The following UGT1A1 variants were observed in gnomAD, a reference collection of about 807,000 sequenced individuals.
UGT1A1 encodes UDP glucuronosyltransferase family 1 member A1, also known as UDP-glucuronosyltransferase 1A1.
In UGT1A1, 33 loss-of-function variants were observed where a neutral mutation model predicts 40.6. That is an observed-to-expected ratio of 0.81 (90% confidence interval 0.62 to 1.09). UGT1A1 has a LOEUF of 1.09. Among genes scored for constraint, UGT1A1 ranks in the 50% least tolerant of loss-of-function variants. UGT1A1 has a pLI of 0.00. For missense variants in UGT1A1, 694 were observed against 671.2 expected (o/e 1.03, Z -0.38); for synonymous variants, 249 against 265.0 (o/e 0.94, Z 0.59).
Position 233,768,283 on chromosome 2 carries a change from G to T in UGT1A1, c.1148G>T (p.Cys383Phe). 6.2e-7 allele frequency: 1 copy of T among 1,614,180 alleles called. No homozygotes were observed. The change falls in exon 4 of 5, where the codon TGC becomes TTC. Residue 383 changes from cysteine (C) to phenylalanine (F), a missense_variant. Transcript: ENST00000305208. ...TCCCATGGTGTTTATGAAAGCATAT[G>T]CAATGGCGTTCCCATGGTGATGATG... Reference protein sequence around the residue: ...AGSHGVYESICNGVPMVMMPL... With the variant: ...AGSHGVYESIFNGVPMVMMPL...
At chr2:233,767,675 C>G (rs1273555402) in intron 2 of UGT1A1, among the ~76,000 whole-genome samples, 174 bp from the exon 3 acceptor site, 1 of 152,180 alleles carries the variant, frequency 6.6e-6, no homozygotes, top group Non-Finnish European at 1.5e-5. Context: ...ACTAAACCTC[C>G]AAAACAAGAT....
At chr2:233,768,098 G>A in intron 3 of UGT1A1, 122 bp from the exon 4 acceptor site, 1 of 1,590,736 alleles carries the variant, frequency 6.3e-7, no homozygotes, top group Non-Finnish European at 8.6e-7. Context: ...ATTTTCTTCT[G>A]CAAATTTCTG....
rs1699290986 is a variant in UGT1A1 at position 233,766,960 on chromosome 2, A to T, written c.865-74A>T. 4.4e-6 allele frequency: 7 copies of T among 1,607,258 alleles called. No homozygotes were observed. The South Asian group carries it at 7.8e-5, about 18-fold the overall frequency. On this transcript the variant is annotated intron_variant, in intron 1 of 4. Transcript: ENST00000305208. ...CATAGTCTTAAGAGGAAGATATCTA[A>T]TTCATAACTTACTGTATGTAGTCAT...
In UGT1A1 at chr2:233,772,466, C is replaced by T. The variant is rs1700524185; in HGVS notation, c.1509C>T (p.Ala503=). 6.2e-7 allele frequency: 1 copy of T among 1,614,030 alleles called. No individual in the cohort carries two copies. The highest frequency in any genetic ancestry group is 1.3e-5 in the African/African-American group (1 of 74,904). The change falls in exon 5 of 5, where the codon GCC becomes GCT. Residue 503 remains alanine, a synonymous_variant. Transcript: ENST00000305208. ...GFLLAVVLTV[A]FITFKCCAYG... Reference sequence around the variant, plus strand: ...TCTTGGCCGTCGTGCTGACAGTGGCCTTCATCACCTTTAAATGTTGTGCTT... The same window carrying T: ...TCTTGGCCGTCGTGCTGACAGTGGCTTTCATCACCTTTAAATGTTGTGCTT...
Position 233,769,129 on chromosome 2 carries a change from C to T in UGT1A1, c.1304+690C>T, listed in dbSNP as rs1228379721. Among the ~76,000 whole-genome samples, 1 of 152,120 alleles carries T rather than the reference C, an allele frequency of 6.6e-6. No homozygotes were observed. The highest frequency in any genetic ancestry group is 1.9e-4 in the East Asian group (1 of 5,198). On this transcript the variant is annotated intron_variant, in intron 4 of 4. Coordinates refer to ENST00000305208, the MANE Select transcript of UGT1A1 (RefSeq NM_000463.3). This position sits in a 1 kb window ranked among gnomAD's most constrained non-coding sequence, Gnocchi z 4.4. ...AAAACAACTCAAATGCTTAGAAGTA[C>T]AGCTTTTTGCAGCACTGGAACCTGT...
chr2:233,767,878 A>G lies in UGT1A1; in HGVS notation c.1026A>G (p.Pro342=), dbSNP rs747062491. ...TGTGGCGGTACACTGGAACCCGACC[A>G]TCGAATCTTGCGAACAACACGATAC... ...TVLWRYTGTR[P]SNLANNTILV... The change falls in exon 3 of 5, where the codon CCA becomes CCG. Residue 342 remains proline, a synonymous_variant. Transcript: ENST00000305208. 6.2e-7 allele frequency: 1 copy of G among 1,614,032 alleles called. No individual in the cohort carries two copies. The highest frequency in any genetic ancestry group is 1.7e-5 in the Admixed American group (1 of 59,990).
Position 233,772,277 on chromosome 2 carries a change from C to G in UGT1A1, c.1320C>G (p.Ile440Met). 1 of 1,614,240 alleles carries G rather than the reference C, an allele frequency of 6.2e-7. No individual in the cohort carries two copies. Among genetic ancestry groups the G allele is most frequent in the Non-Finnish European group, 8.5e-7 (1 of 1,180,042 alleles). Residue 440 changes from isoleucine (I) to methionine (M), a missense_variant, in exon 5 of 5, where the codon ATC (isoleucine) becomes ATG (methionine). Ile to Met is a conservative substitution (Grantham distance 10). Transcript: ENST00000305208. Reference protein sequence around the residue: ...VINDKSYKENIMRLSSLHKDR... With the variant: ...VINDKSYKENMMRLSSLHKDR... ...TTGTGTTTAGTTACAAGGAGAACAT[C>G]ATGCGCCTCTCCAGCCTTCACAAGG...
chr2:233,767,582 C>A (rs1315665394), intron 2 of UGT1A1, among the ~76,000 whole-genome samples: 1 of 152,138 alleles, frequency 6.6e-6, no homozygotes, highest in Non-Finnish European at 1.5e-5. Context: ...CAAACTTTCC[C>A]TTAAAGTGCA....
rs752305202 is a variant in UGT1A1, at chr2:233,769,534, G to A, written c.1304+1095G>A. ...CTCCCATGGTTACCTCCTTTAGAAA[G>A]AAGCAGCAGTCAGGAAGACAGATGT... On this transcript the variant is annotated intron_variant, in intron 4 of 4. Transcript: ENST00000305208. This position sits in a 1 kb window ranked among gnomAD's most constrained non-coding sequence, Gnocchi z 4.4. 1.9e-6 allele frequency: 3 copies of A among 1,612,926 alleles called. No homozygotes were observed. Among genetic ancestry groups the A allele is most frequent in the Non-Finnish European group, 2.5e-6 (3 of 1,179,884 alleles).
Position 233,772,564 on chromosome 2 carries a change from TG to T in UGT1A1, c.*8del, listed in dbSNP as rs1250920366. 1 of 1,613,176 alleles carries T rather than the reference TG, an allele frequency of 6.2e-7. No individual in the cohort carries two copies. The highest frequency in any genetic ancestry group is 1.7e-5 in the Admixed American group (1 of 59,848). On this transcript the variant is annotated 3_prime_UTR_variant, in exon 5 of 5. Transcript: ENST00000305208. ...CACAAATCCAAGACCCATTGAGAAGTGGGTGGGAAATAAGGTAAAATTTTGA... is the reference window on the plus strand; with the variant it reads ...CACAAATCCAAGACCCATTGAGAAGTGGTGGGAAATAAGGTAAAATTTTGA...
intron 1 of UGT1A1, among the ~76,000 whole-genome samples, chr2:233,762,453 A>T (rs1302924421): frequency 6.6e-6 from 1 of 152,204 alleles, no homozygotes; most frequent in Non-Finnish European, 1.5e-5. Flanking sequence ...CTGCCCACTT[A>T]CCGATAATGT....
intron 4 of UGT1A1, chr2:233,770,632 T>G (rs561537548): frequency 1.3e-5 from 2 of 150,950 alleles, no homozygotes; most frequent in Admixed American, 6.6e-5. Flanking sequence ...CACTCCAGCC[T>G]GGGCGACAGA....
chr2:233,763,230 T>C (rs1698265609), intron 1 of UGT1A1, among the ~76,000 whole-genome samples: 1 of 152,252 alleles, frequency 6.6e-6, no homozygotes, highest in African/African-American at 2.4e-5. Context: ...AATATGTTTT[T>C]AAATTGTACC....
intron 1 of UGT1A1, 30 bp downstream of exon 1, chr2:233,761,181 G>A (rs539737168): frequency 1.9e-5 from 31 of 1,614,124 alleles, no homozygotes; most frequent in East Asian, 2.2e-5. Flanking sequence ...TTTTACATGC[G>A]TATATTCTTT....
chr2:233,764,393 C>G (rs1698551622), intron 1 of UGT1A1, among the ~76,000 whole-genome samples: 7 of 152,218 alleles, frequency 4.6e-5, no homozygotes. Context: ...GCCGTGATGA[C>G]AACTTCTCTG....
rs1285354199 is a variant in UGT1A1 at position 233,768,247 on chromosome 2, C to T, written c.1112C>T (p.Thr371Ile). The part of the protein sequence containing the change: ...LGHPMTRAFI[T>I]HAGSHGVYES... ...CACCCGATGACCCGTGCCTTTATCA[C>T]CCATGCTGGTTCCCATGGTGTTTAT... Residue 371 changes from threonine to isoleucine, a missense_variant, in exon 4 of 5, where the codon ACC (threonine) becomes ATC (isoleucine). By Grantham distance (89) the Thr-to-Ile change is moderately conservative (BLOSUM62 -1). Coordinates refer to ENST00000305208, the MANE Select transcript of UGT1A1 (RefSeq NM_000463.3). 4 of 1,614,056 alleles carry T rather than the reference C, an allele frequency of 2.5e-6. No individual in the cohort carries two copies. Among genetic ancestry groups the T allele is most frequent in the Non-Finnish European group, 3.4e-6 (4 of 1,180,046 alleles).
At position 233,769,619 on chromosome 2, in the gene UGT1A1, C is replaced by G; in HGVS notation, c.1304+1180C>G. The G allele has an allele frequency of 1.9e-6, 3 of 1,612,516 alleles. No individual in the cohort carries two copies. The highest frequency in any genetic ancestry group is 2.5e-6 in the Non-Finnish European group (3 of 1,179,738). ...GAACACGGGGACACACCAGCTTGAG[C>G]AAGGGACAACAGGGGAGGACTGATG... On this transcript the variant is annotated intron_variant, in intron 4 of 4. Transcript: ENST00000305208. This position sits in a 1 kb window ranked among gnomAD's most constrained non-coding sequence, Gnocchi z 4.4.
rs561946796 is a variant in UGT1A1, at chr2:233,772,692, G to A, written c.*133G>A. Reference sequence around the variant, plus strand: ...TGCATAAATTAATCAGCCCCAGAGTGCTTTAAAAAATTCTCTTAAATAAAA... The same window carrying A: ...TGCATAAATTAATCAGCCCCAGAGTACTTTAAAAAATTCTCTTAAATAAAA... On this transcript the variant is annotated 3_prime_UTR_variant, in exon 5 of 5. Coordinates refer to ENST00000305208, the MANE Select transcript of UGT1A1 (RefSeq NM_000463.3). 1.0e-4 allele frequency: 156 copies of A among 1,485,828 alleles called. No homozygotes were observed. In the South Asian group the frequency reaches 1.7e-3, roughly 16 times the overall value. 92.0% of individuals were successfully genotyped at this position (1,485,828 alleles called of 1,614,324 possible). A position where few individuals can be genotyped will look rare whatever the true frequency, so the allele number is the denominator to read the frequency against.
intron 1 of UGT1A1, among the ~76,000 whole-genome samples, chr2:233,764,762 A>G (rs1448451732): frequency 6.6e-6 from 1 of 152,160 alleles, no homozygotes; most frequent in Admixed American, 6.5e-5. Flanking sequence ...GACCCTAGGG[A>G]GGAAGGAGTT....
Sources: gnomAD v4.1 joint callset for allele counts (sites outside exome capture counted in the v4.1 genomes callset) on GRCh38, gnomAD v4.1.1 for gene constraint, Gnocchi (gnomAD v3.1) non-coding constraint, MANE v1.5 for transcripts, NCBI Gene and HGNC (gene_info 2026-07-23, HGNC 2026-07-21) for gene names.